The following GRIK5 variants were observed in gnomAD, a reference collection of about 807,000 sequenced individuals.
GRIK5 encodes the protein glutamate ionotropic receptor kainate type subunit 5, also known as glutamate receptor ionotropic, kainate 5.
A neutral mutation model predicts 97.4 loss-of-function variants in GRIK5; 43 were observed. The observed-to-expected ratio is 0.44, with a 90% CI of 0.35 to 0.57. GRIK5 has a LOEUF of 0.57. Among genes scored for constraint, GRIK5 ranks in the 20% least tolerant of loss-of-function variants. GRIK5 has a pLI of 0.01. For synonymous variants in GRIK5, 580 were observed against 583.5 expected, an observed-to-expected ratio of 0.99 and a Z score of 0.09; for missense variants, 1,015 against 1,382.0, an observed-to-expected ratio of 0.73 and a Z score of 4.21.
intron 11 of GRIK5, among the ~76,000 whole-genome samples, chr19:42,053,054 G>C (rs2076137047): frequency 6.6e-6 from 1 of 152,152 alleles, no homozygotes; most frequent in South Asian, 2.1e-4. Flanking sequence ...CTCTGATTTG[G>C]TGAAATGCAG....
Position 42,021,265 on chromosome 19 carries a change from C to A in GRIK5, c.1871+36G>T. The stretch of plus-strand genomic sequence containing the variant: ...ATCCAGGCCTCAGATGGGTCCCTCC[C>A]TCGCCCCGGGCAGAGGCAGATAGAA... On this transcript the variant is annotated intron_variant, in intron 15 of 19. Coordinates refer to ENST00000593562, the MANE Select transcript of GRIK5 (RefSeq NM_002088.5). The surrounding 1 kb of genome is among the most constrained non-coding windows in gnomAD (Gnocchi z 4.2). The A allele has an allele frequency of 6.3e-7, 1 of 1,582,892 alleles. No individual in the cohort carries two copies.
intron 8 of GRIK5, among the ~76,000 whole-genome samples, chr19:42,054,745 T>C (rs1419943568): frequency 6.6e-6 from 1 of 152,080 alleles, no homozygotes; most frequent in Non-Finnish European, 1.5e-5. Flanking sequence ...GGTGCCTGGA[T>C]AGCTAGCTGT....
In GRIK5 at chr19:42,006,221, C is replaced by T. The variant is rs375445439; in HGVS notation, c.2038-273G>A. ...TCCCCTTAACCCTCCAGCCGGTGGC[C>T]GCTGCCCAACTCAGGCCTCCTTTAG... On this transcript the variant is annotated intron_variant, in intron 16 of 19. Coordinates refer to ENST00000593562, the MANE Select transcript of GRIK5 (RefSeq NM_002088.5). The surrounding 1 kb of genome is among the most constrained non-coding windows in gnomAD (Gnocchi z 5.3). 5.9e-5 allele frequency among the ~76,000 whole-genome samples: 9 copies of T among 152,112 alleles called. No homozygotes were observed. The highest frequency in any genetic ancestry group is 5.8e-4 in the East Asian group (3 of 5,182).
At chr19:42,031,984 C>G (rs1414469687) in intron 12 of GRIK5, among the ~76,000 whole-genome samples, 1 of 152,144 alleles carries the variant, frequency 6.6e-6, no homozygotes, top group African/African-American at 2.4e-5. Context: ...TGGTGGTGCA[C>G]ACCTGTAGTC....
rs1000571702 is a variant in GRIK5, at chr19:42,069,746, G to T, written c.-556C>A. Among the ~76,000 whole-genome samples, 1 of 151,200 alleles carries T rather than the reference G, an allele frequency of 6.6e-6. No individual in the cohort carries two copies. Among genetic ancestry groups the T allele is most frequent in the African/African-American group, 2.4e-5 (1 of 41,158 alleles). On this transcript the variant is annotated 5_prime_UTR_variant, in exon 1 of 20. Transcript: ENST00000593562. ...GGAGGGCCTGCTGGGGGAGGGGGCC[G>T]CCCCCTTTCCCCCTCCCCCCTGGAG...
chr19:42,056,741 G>C lies in GRIK5; in HGVS notation c.824C>G (p.Pro275Arg), dbSNP rs139340543. ...LGFSMFNTSHPFYPEFVRSLN... is the reference protein window; with the variant it reads ...LGFSMFNTSHRFYPEFVRSLN... ...GCTGCGGACAAACTCAGGGTAGAAG[G>C]GGTGGGACGTGTTGAACATGGAGAA... The change falls in exon 8 of 20, where the codon CCC (proline) becomes CGC (arginine). Residue 275 changes from proline (P) to arginine (R), a missense_variant. This residue lies in a region of GRIK5 where 477 missense variants were observed against 701.1 expected (regional missense o/e 0.68). Coordinates refer to ENST00000593562, the MANE Select transcript of GRIK5 (RefSeq NM_002088.5). The C allele has an allele frequency of 6.2e-7, 1 of 1,613,854 alleles. No individual in the cohort carries two copies. The highest frequency in any genetic ancestry group is 1.7e-5 in the Admixed American group (1 of 60,002).
chr19:42,023,882 A>C (rs2075734664), intron 12 of GRIK5, among the ~76,000 whole-genome samples: 1 of 152,162 alleles, frequency 6.6e-6, no homozygotes, highest in South Asian at 2.1e-4. Flanking sequence ...CCAAGAGGAC[A>C]GTCTCCTGTT....
chr19:42,005,994 C>T (rs781832646), intron 16 of GRIK5, 46 bp from the exon 17 acceptor site: 42 of 971,958 alleles, frequency 4.3e-5, no homozygotes, highest in South Asian at 3.4e-4. Flanking sequence ...TCTTTCCAGC[C>T]GCTTCCTTTC....
At chr19:42,024,233 G>A (rs1203655490) in intron 12 of GRIK5, among the ~76,000 whole-genome samples, 5 of 140,502 alleles carry the variant, frequency 3.6e-5, no homozygotes, top group Admixed American at 1.4e-4. Context: ...TTTTTTTTGA[G>A]ATGGAGTCTC....
intron 15 of GRIK5, among the ~76,000 whole-genome samples, chr19:42,016,008 G>T (rs1469067241): frequency 6.6e-6 from 1 of 152,144 alleles, no homozygotes; most frequent in Admixed American, 6.5e-5. Flanking sequence ...GAATTAAACA[G>T]CCTCCTGAAA....
chr19:42,061,871 T>A (rs2076264118), intron 5 of GRIK5, among the ~76,000 whole-genome samples: 2 of 152,188 alleles, frequency 1.3e-5, no homozygotes, highest in South Asian at 4.1e-4. Context: ...CCCTGTCCCC[T>A]CGCCCTGCCC....
Position 42,042,566 on chromosome 19 carries a change from C to A in GRIK5, c.1459G>T (p.Glu487Ter). The stretch of plus-strand genomic sequence containing the variant: ...TCCAGCCATACCCGGTTGATGAGCT[C>A]GCCAACCATGCCCGTCCAGGAGCCG... ...PNGSWTGMVGELINRKADLAV... is the reference protein window; with the variant it reads ...PNGSWTGMVG Residue 487 changes from glutamate to a stop codon, truncating the protein, a stop_gained, in exon 12 of 20, where the codon GAG (glutamate) becomes TAG (stop). Coordinates refer to ENST00000593562, the MANE Select transcript of GRIK5 (RefSeq NM_002088.5). LOFTEE classifies it high-confidence loss of function. The surrounding 1 kb of genome is among the most constrained non-coding windows in gnomAD (Gnocchi z 6.9). 6.2e-7 allele frequency: 1 copy of A among 1,610,524 alleles called. No individual in the cohort carries two copies.
intron 11 of GRIK5, among the ~76,000 whole-genome samples, chr19:42,051,340 C>T (rs1199326044): frequency 6.6e-6 from 1 of 152,246 alleles, no homozygotes; most frequent in Admixed American, 6.5e-5. Flanking sequence ...AGGGGCAGCG[C>T]CAGCCTGCAC....
At chr19:42,051,382 G>A (rs960677200) in intron 11 of GRIK5, among the ~76,000 whole-genome samples, 1 of 151,986 alleles carries the variant, frequency 6.6e-6, no homozygotes, top group South Asian at 2.1e-4. Context: ...TCCCACACCC[G>A]GACCACCTCT....
Position 42,002,543 on chromosome 19 carries a change from G to T in GRIK5, c.2514+789C>A, listed in dbSNP as rs1555871252. ...TGGCAGGCAGCTGGATGCAGAGCTG[G>T]GGTCTGGGGAGTAGATGTAAGGTCA... is the stretch of plus-strand genomic sequence containing the variant. On this transcript the variant is annotated intron_variant, in intron 19 of 19. Coordinates refer to ENST00000593562, the MANE Select transcript of GRIK5 (RefSeq NM_002088.5). This position sits in a 1 kb window ranked among gnomAD's most constrained non-coding sequence, Gnocchi z 5.2. The T allele has an allele frequency of 1.5e-6, 1 of 687,860 alleles. No individual in the cohort carries two copies. Among genetic ancestry groups the T allele is most frequent in the Non-Finnish European group, 2.7e-6 (1 of 368,972 alleles). 42.6% of individuals were successfully genotyped at this position (687,860 alleles called of 1,614,324 possible). A position where few individuals can be genotyped will look rare whatever the true frequency, so the allele number is the denominator to read the frequency against.
chr19:42,019,029 C>T (rs901846653), intron 15 of GRIK5, among the ~76,000 whole-genome samples: 12 of 152,096 alleles, frequency 7.9e-5, no homozygotes, highest in Non-Finnish European at 1.2e-4. Flanking sequence ...CCAAAGGCTC[C>T]GATGAGGGAG....
chr19:42,054,188 G>C (rs1046559042), intron 9 of GRIK5, 132 bp downstream of exon 9: 8 of 944,782 alleles, frequency 8.5e-6, no homozygotes, highest in Non-Finnish European at 1.3e-5. Context: ...CAACAGCCAG[G>C]AGTGGACAGG....
At position 42,059,538 on chromosome 19, in the gene GRIK5, G is replaced by C. The variant is rs746224759; in HGVS notation, c.509-11C>G. On this transcript the variant is annotated splice_polypyrimidine_tract_variant and intron_variant, in intron 5 of 19. Transcript: ENST00000593562. Reference sequence around the variant, plus strand: ...CCAATCGCAGCAGGCCTGAGGGAGGGGTGGGGCCTTGGGTTGGAGCCCTTC... The same window carrying C: ...CCAATCGCAGCAGGCCTGAGGGAGGCGTGGGGCCTTGGGTTGGAGCCCTTC... The C allele has an allele frequency of 1.9e-6, 3 of 1,607,214 alleles. No homozygotes were observed. In the Admixed American group the frequency reaches 5.0e-5, roughly 27 times the overall value.
chr19:42,062,868 G>C lies in GRIK5; in HGVS notation c.245-13C>G. ...AAGATCTGACACACTGCGTGGGAAG[G>C]GGAAGAGACCGCAGAGTCAGGGACC... On this transcript the variant is annotated splice_polypyrimidine_tract_variant and intron_variant, in intron 3 of 19. Transcript: ENST00000593562. The surrounding 1 kb of genome is among the most constrained non-coding windows in gnomAD (Gnocchi z 5.3). 1 of 1,598,114 alleles carries C rather than the reference G, an allele frequency of 6.3e-7. No homozygotes were observed. The highest frequency in any genetic ancestry group is 1.3e-5 in the African/African-American group (1 of 74,758).
Sources: gnomAD v4.1 joint callset for allele counts (sites outside exome capture counted in the v4.1 genomes callset) on GRCh38, gnomAD v4.1.1 for gene constraint, gnomAD v4.1.1 regional missense constraint, Gnocchi (gnomAD v3.1) non-coding constraint, MANE v1.5 for transcripts, NCBI Gene and HGNC (gene_info 2026-07-23, HGNC 2026-07-21) for gene names.